Variants in CYTH1 observed in about 807,000 individuals in gnomAD.
The protein encoded by CYTH1 is cytohesin-1.
In CYTH1, 18 loss-of-function variants were observed where a neutral mutation model predicts 61.8. The observed-to-expected ratio is 0.29, with a 90% CI of 0.20 to 0.43. The LOEUF is 0.43. Ranked by LOEUF, CYTH1 falls within the 20% of genes least tolerant of loss-of-function variation. The pLI is 1.00. For missense variants in CYTH1, 336 were observed against 510.5 expected (o/e 0.66, Z 3.29); for synonymous variants, 174 against 184.3 (o/e 0.94, Z 0.45).
chr17:78,749,851 C>A (rs2093373051), intron 1 of CYTH1, among the ~76,000 whole-genome samples: 1 of 151,980 alleles, frequency 6.6e-6, no homozygotes, highest in African/African-American at 2.4e-5. Context: ...AAAAAAAATT[C>A]CCTTACAGTT....
At chr17:78,769,164 A>G (rs533357269) in intron 1 of CYTH1, among the ~76,000 whole-genome samples, 162 of 151,894 alleles carry the variant, frequency 1.1e-3, no homozygotes, top group Non-Finnish European at 1.9e-3. Flanking sequence ...AAAAAGCAAA[A>G]TAATCAGCAT....
At chr17:78,752,527 G>A (rs1354049568) in intron 1 of CYTH1, among the ~76,000 whole-genome samples, 1 of 152,094 alleles carries the variant, frequency 6.6e-6, no homozygotes, top group Non-Finnish European at 1.5e-5. Context: ...CCGTCTCCTG[G>A]GTTCAAGTGA....
At chr17:78,777,329 G>A (rs1265036943) in intron 1 of CYTH1, among the ~76,000 whole-genome samples, 1 of 151,106 alleles carries the variant, frequency 6.6e-6, no homozygotes, top group African/African-American at 2.4e-5. Flanking sequence ...TGAGGCAGGA[G>A]ATGGTGTGAA....
chr17:78,753,151 A>AGCT (rs1487238716), intron 1 of CYTH1, among the ~76,000 whole-genome samples: 2 of 152,180 alleles, frequency 1.3e-5, no homozygotes, highest in Non-Finnish European at 2.9e-5. Flanking sequence ...ACCCCAGCAC[A>AGCT]GCTAACAGAC....
At chr17:78,712,679 TA>T (rs1239998065) in intron 1 of CYTH1, among the ~76,000 whole-genome samples, 1 of 151,412 alleles carries the variant, frequency 6.6e-6, no homozygotes, top group Non-Finnish European at 1.5e-5. Context: ...AATAATAATA[TA>T]AAAAATAAAA....
chr17:78,776,695 T>C (rs1346456275), intron 1 of CYTH1, among the ~76,000 whole-genome samples: 1 of 150,002 alleles, frequency 6.7e-6, no homozygotes, highest in Non-Finnish European at 1.5e-5. Flanking sequence ...ACAGTATGCA[T>C]GTTATAAAGA....
chr17:78,701,790 G>C, intron 5 of CYTH1, 39 bp from the exon 6 acceptor site: 1 of 1,597,322 alleles, frequency 6.3e-7, no homozygotes, highest in Non-Finnish European at 8.6e-7. Flanking sequence ...GAAAGCAGGA[G>C]TCAGGCACCA....
chr17:78,737,730 T>G (rs776373913), intron 1 of CYTH1, among the ~76,000 whole-genome samples: 1 of 152,112 alleles, frequency 6.6e-6, no homozygotes, highest in Non-Finnish European at 1.5e-5. Flanking sequence ...TGACACATAT[T>G]CATTGTTGAA....
intron 8 of CYTH1, 93 bp from the exon 9 acceptor site, chr17:78,698,473 C>T: frequency 9.4e-7 from 1 of 1,058,256 alleles, no homozygotes; most frequent in African/African-American, 1.6e-5. Context: ...CATTCATGTG[C>T]CTATAGTAAG....
At chr17:78,688,052 C>A (rs2092834957) in intron 11 of CYTH1, among the ~76,000 whole-genome samples, 1 of 152,182 alleles carries the variant, frequency 6.6e-6, no homozygotes, top group South Asian at 2.1e-4. Context: ...TCAATCGCAT[C>A]CTGCATAAAT....
intron 10 of CYTH1, 97 bp from the exon 11 acceptor site, chr17:78,692,590 G>A (rs2092899777): frequency 3.5e-6 from 4 of 1,158,256 alleles, no homozygotes; most frequent in East Asian, 2.4e-5. Context: ...GAGAGGGTTG[G>A]GGGAGAGGCA....
intron 1 of CYTH1, among the ~76,000 whole-genome samples, chr17:78,711,637 G>C (rs1227353788): frequency 6.6e-6 from 1 of 151,004 alleles, no homozygotes; most frequent in African/African-American, 2.4e-5. Context: ...ATCACAAGAG[G>C]GTAGAAACAA....
rs531039969 is a variant in CYTH1, at chr17:78,740,953, C to T, written c.23-31221G>A. ...TAACTAAAAAAATAATGGCACATTA[C>T]AAAACCAGAACAATAATCTAGGGCC... On this transcript the variant is annotated intron_variant, in intron 1 of 13. Coordinates refer to ENST00000446868, the MANE Select transcript of CYTH1 (RefSeq NM_004762.6). Among the ~76,000 whole-genome samples the T allele has an allele frequency of 1.1e-4, 16 of 152,224 alleles. 1 individual carries two copies. In the South Asian group the frequency reaches 3.3e-3, roughly 32 times the overall value.
At chr17:78,684,004 A>G (rs11656626) in intron 11 of CYTH1, among the ~76,000 whole-genome samples, 22,783 of 152,148 alleles carry the variant, frequency 0.15, 2,196 homozygotes, top group Middle Eastern at 0.22. Context: ...TGCGGCATCC[A>G]GGTTACATAT....
chr17:78,753,200 C>T (rs1319656646), intron 1 of CYTH1, among the ~76,000 whole-genome samples: 1 of 152,152 alleles, frequency 6.6e-6, no homozygotes, highest in Admixed American at 6.5e-5. Context: ...TTGCTCATGC[C>T]TTCAATCCTA....
At chr17:78,777,556 T>C (rs12604076) in intron 1 of CYTH1, among the ~76,000 whole-genome samples, 70,011 of 152,078 alleles carry the variant, frequency 0.46, 17,011 homozygotes, top group Non-Finnish European at 0.54. Context: ...AGCCTTTTTG[T>C]TGGTTTTTGA....
At position 78,730,794 on chromosome 17, in the gene CYTH1, G is replaced by A. The variant is rs187860925; in HGVS notation, c.23-21062C>T. On this transcript the variant is annotated intron_variant, in intron 1 of 13. Coordinates refer to ENST00000446868, the MANE Select transcript of CYTH1 (RefSeq NM_004762.6). Reference sequence around the variant, plus strand: ...GTTCTCCTGCCTCAGCCACCCGAGTGGCTGGGACTACAGGCGCCCGCCACC... The same window carrying A: ...GTTCTCCTGCCTCAGCCACCCGAGTAGCTGGGACTACAGGCGCCCGCCACC... 2.5e-4 allele frequency among the ~76,000 whole-genome samples: 38 copies of A among 149,104 alleles called. No homozygotes were observed. In the East Asian group the frequency reaches 3.6e-3, roughly 14 times the overall value.
At chr17:78,711,805 G>A (rs2093135138) in intron 1 of CYTH1, among the ~76,000 whole-genome samples, 1 of 151,590 alleles carries the variant, frequency 6.6e-6, no homozygotes, top group Admixed American at 6.6e-5. Flanking sequence ...TTTAGTCCAG[G>A]CCTTGTAGCT....
At chr17:78,720,525 G>A (rs535348606) in intron 1 of CYTH1, among the ~76,000 whole-genome samples, 1 of 152,334 alleles carries the variant, frequency 6.6e-6, no homozygotes, top group Non-Finnish European at 1.5e-5. Flanking sequence ...CACCATGTTG[G>A]CCAGGCTGGT....
Sources: gnomAD v4.1 joint callset for allele counts (sites outside exome capture counted in the v4.1 genomes callset) on GRCh38, gnomAD v4.1.1 for gene constraint, MANE v1.5 for transcripts, NCBI Gene and HGNC (gene_info 2026-07-23, HGNC 2026-07-21) for gene names.